The following DAP variants were observed in gnomAD, a reference collection of about 807,000 sequenced individuals.
DAP encodes the protein death associated protein.
In DAP, 8 loss-of-function variants were observed where a neutral mutation model predicts 13.8. The observed-to-expected ratio is 0.58, with a 90% CI of 0.34 to 1.05. DAP has a LOEUF of 1.05. DAP is among the 50% of genes least tolerant of loss of function. The probability of loss-of-function intolerance (pLI) is 0.03; values close to 1 mark genes in which losing one functional copy is unlikely to be tolerated. For missense variants in DAP, 106 were observed against 133.2 expected (o/e 0.80, Z 1.01); for synonymous variants, 47 against 47.5 (o/e 0.99, Z 0.04).
intron 2 of DAP, among the ~76,000 whole-genome samples, chr5:10,709,064 G>T (rs1738775063): frequency 6.6e-6 from 1 of 152,230 alleles, no homozygotes; most frequent in Admixed American, 6.5e-5. Flanking sequence ...CCTCTACGAG[G>T]AATTCACCTG....
intron 2 of DAP, among the ~76,000 whole-genome samples, chr5:10,732,850 C>T (rs1739499541): frequency 6.6e-6 from 1 of 152,168 alleles, no homozygotes; most frequent in Non-Finnish European, 1.5e-5. Context: ...TTTAAGTGTA[C>T]AGCTTAGTAG....
At chr5:10,686,842 A>T (rs962839171) in intron 2 of DAP, among the ~76,000 whole-genome samples, 12 of 152,256 alleles carry the variant, frequency 7.9e-5, no homozygotes, top group African/African-American at 2.9e-4. Flanking sequence ...CAGATTTTCA[A>T]TGTTGACAAA....
intron 2 of DAP, among the ~76,000 whole-genome samples, chr5:10,742,228 G>C (rs546470019): frequency 6.6e-6 from 1 of 152,098 alleles, no homozygotes; most frequent in Non-Finnish European, 1.5e-5. Flanking sequence ...TTATTTTACC[G>C]TATGGGTTAA....
At chr5:10,719,262 G>A (rs564875085) in intron 2 of DAP, among the ~76,000 whole-genome samples, 4 of 152,332 alleles carry the variant, frequency 2.6e-5, no homozygotes, top group African/African-American at 4.8e-5. Flanking sequence ...CAAGTGACCC[G>A]AAAGGCTGTC....
intron 2 of DAP, among the ~76,000 whole-genome samples, chr5:10,691,548 A>G (rs2126639243): frequency 6.6e-6 from 1 of 152,330 alleles, no homozygotes; most frequent in African/African-American, 2.4e-5. Context: ...TATAACCTAC[A>G]TTTCTCAAGT....
chr5:10,699,700 C>T (rs960207817), intron 2 of DAP, among the ~76,000 whole-genome samples: 1 of 152,228 alleles, frequency 6.6e-6, no homozygotes, highest in Non-Finnish European at 1.5e-5. Flanking sequence ...CACAGAATCT[C>T]TGTGAACTTG....
chr5:10,728,399 A>C (rs1484126701), intron 2 of DAP, among the ~76,000 whole-genome samples: 1 of 152,172 alleles, frequency 6.6e-6, no homozygotes, highest in African/African-American at 2.4e-5. Context: ...CCTGGGGGAA[A>C]GATTTAGACT....
chr5:10,721,850 G>A (rs1739152573), intron 2 of DAP, among the ~76,000 whole-genome samples: 1 of 152,220 alleles, frequency 6.6e-6, no homozygotes, highest in African/African-American at 2.4e-5. Context: ...GTTTGTGCAT[G>A]TATACACTTG....
intron 2 of DAP, among the ~76,000 whole-genome samples, chr5:10,708,246 A>G (rs1439659390): frequency 6.6e-6 from 1 of 152,206 alleles, no homozygotes; most frequent in Non-Finnish European, 1.5e-5. Context: ...TATGACCCAC[A>G]ATAAAAACCT....
At chr5:10,727,001 G>A (rs1016149165) in intron 2 of DAP, among the ~76,000 whole-genome samples, 6 of 152,306 alleles carry the variant, frequency 3.9e-5, no homozygotes, top group African/African-American at 7.2e-5. Flanking sequence ...CTCCACTGTC[G>A]AGAGGGAGAG....
At chr5:10,688,393 T>TA (rs1738210259) in intron 2 of DAP, among the ~76,000 whole-genome samples, 1 of 152,136 alleles carries the variant, frequency 6.6e-6, no homozygotes, top group Non-Finnish European at 1.5e-5. Flanking sequence ...AATTTTAAAT[T>TA]AAGTTATGCA....
chr5:10,706,040 A>G (rs900535), intron 2 of DAP, among the ~76,000 whole-genome samples: 69,934 of 152,112 alleles, frequency 0.46, 17,456 homozygotes, highest in East Asian at 0.74. Flanking sequence ...CTTAGCTCAC[A>G]TCGGCATTTG....
chr5:10,685,457 C>T (rs1738133381), intron 2 of DAP, among the ~76,000 whole-genome samples: 1 of 152,116 alleles, frequency 6.6e-6, no homozygotes, highest in East Asian at 1.9e-4. Context: ...GGATTCAGGG[C>T]CAAGGAGTTT....
intron 2 of DAP, among the ~76,000 whole-genome samples, chr5:10,741,064 G>A (rs1739740900): frequency 6.6e-6 from 1 of 152,202 alleles, no homozygotes; most frequent in Admixed American, 6.5e-5. Context: ...TTTAAAATTG[G>A]CTGTAGCTGG....
chr5:10,687,064 C>A (rs1738174088), intron 2 of DAP, among the ~76,000 whole-genome samples: 1 of 152,220 alleles, frequency 6.6e-6, no homozygotes, highest in African/African-American at 2.4e-5. Context: ...GTGCTCTATA[C>A]ATGGGATGAC....
rs55645932 is a variant in DAP, at chr5:10,733,155, CGTGTGTGTGTGT to C, written c.152+15008_152+15019del. ...TTTTTAAGGTTGAATAATATTCCTGCGTGTGTGTGTGTGTGTGTGTGTGTGTGTGTGTGTGTG... is the reference window on the plus strand; with the variant it reads ...TTTTTAAGGTTGAATAATATTCCTGCGTGTGTGTGTGTGTGTGTGTGTGTG... On this transcript the variant is annotated intron_variant, in intron 2 of 3. Transcript: ENST00000230895. 9.9e-3 allele frequency among the ~76,000 whole-genome samples: 1,267 copies of C among 128,468 alleles called. 38 individuals are homozygous for C. The highest frequency in any genetic ancestry group is 0.091 in the South Asian group (345 of 3,792). The allele number at this position is 128,468 out of a possible 152,430, so 84.3% of individuals were successfully genotyped here. A position where few individuals can be genotyped will look rare whatever the true frequency, so the allele number is the denominator to read the frequency against.
At chr5:10,706,281 A>C (rs994367201) in intron 2 of DAP, among the ~76,000 whole-genome samples, 1 of 152,218 alleles carries the variant, frequency 6.6e-6, no homozygotes, top group Non-Finnish European at 1.5e-5. Context: ...GCCCAGAACT[A>C]TTCTATGTAC....
chr5:10,735,147 A>C (rs1739575915), intron 2 of DAP, among the ~76,000 whole-genome samples: 1 of 147,856 alleles, frequency 6.8e-6, no homozygotes, highest in South Asian at 2.2e-4. Context: ...ATTTAAGCTA[A>C]CTTTTACAAA....
Position 10,681,052 on chromosome 5 carries a change from A to T in DAP, c.*4T>A. 6.3e-7 allele frequency: 1 copy of T among 1,589,062 alleles called. No individual in the cohort carries two copies. The highest frequency in any genetic ancestry group is 8.6e-7 in the Non-Finnish European group (1 of 1,166,726). ...GCCATGGGGCAGGCTGGTGGACTCC[A>T]GGCTCACTTGCGTGGCTGCTGGATG... is the stretch of plus-strand genomic sequence containing the variant. On this transcript the variant is annotated 3_prime_UTR_variant, in exon 4 of 4. Transcript: ENST00000230895.
Sources: allele counts gnomAD v4.1 joint callset (sites outside exome capture counted in the v4.1 genomes callset), GRCh38; gene constraint gnomAD v4.1.1; transcripts MANE v1.5; gene names NCBI Gene and HGNC (gene_info 2026-07-23, HGNC 2026-07-21).